Variants in C14orf39 observed in about 807,000 individuals in gnomAD.
C14orf39 encodes protein SIX6OS1.
In C14orf39, 66 loss-of-function variants were observed where a neutral mutation model predicts 85.6. The ratio of observed to expected loss-of-function variants is 0.77; its 90% CI spans 0.63 to 0.95. The LOEUF (loss-of-function observed/expected upper bound fraction) is 0.95. C14orf39 is among the 40% of genes least tolerant of loss of function. The pLI, the probability that C14orf39 is intolerant of heterozygous loss-of-function variation, is 0.00. For missense variants in C14orf39, 735 were observed against 663.9 expected, an observed-to-expected ratio of 1.11 and a Z score of -1.18; for synonymous variants, 242 against 214.0, an observed-to-expected ratio of 1.13 and a Z score of -1.14.
intron 2 of C14orf39, among the ~76,000 whole-genome samples, chr14:60,498,006 A>C (rs1351597488): frequency 6.6e-6 from 1 of 152,242 alleles, no homozygotes; most frequent in African/African-American, 2.4e-5. Context: ...GTAAATACAG[A>C]AAAGTAGAGA....
chr14:60,509,530 C>T lies in C14orf39; in HGVS notation c.-144+5865G>A. 8 of 1,608,420 alleles carry T rather than the reference C, an allele frequency of 5.0e-6. No homozygotes were observed. The highest frequency in any genetic ancestry group is 6.8e-6 in the Non-Finnish European group (8 of 1,179,952). ...CGCTGCCCGTGGCCCCTGCGGCCTG[C>T]GAGGCCCTCAACAAGAATGAGTCGG... On this transcript the variant is annotated intron_variant, in intron 1 of 5. Transcript: ENST00000556799.
intron 16 of C14orf39, among the ~76,000 whole-genome samples, chr14:60,447,545 G>A (rs1890828658): frequency 1.3e-5 from 2 of 152,038 alleles, no homozygotes; most frequent in Non-Finnish European, 2.9e-5. Context: ...AATAAAAGAG[G>A]ACACAAACAA....
At chr14:60,500,276 C>G (rs1893123149) in intron 1 of C14orf39, among the ~76,000 whole-genome samples, 1 of 152,204 alleles carries the variant, frequency 6.6e-6, no homozygotes, top group Non-Finnish European at 1.5e-5. Context: ...ATCCACCCAC[C>G]TCAGCCTCCC....
intron 17 of C14orf39, among the ~76,000 whole-genome samples, chr14:60,437,565 C>T (rs1890314055): frequency 6.6e-6 from 1 of 151,916 alleles, no homozygotes; most frequent in Admixed American, 6.6e-5. Flanking sequence ...ATTTGAACTG[C>T]TTTGTAAGTA....
At chr14:60,495,403 T>C in intron 2 of C14orf39, 1 of 175,550 alleles carries the variant, frequency 5.7e-6, no homozygotes, top group Non-Finnish European at 1.2e-5. Flanking sequence ...GAGCGGCAGG[T>C]CATCAAGCAA....
chr14:60,443,279 T>A (rs79963086), intron 16 of C14orf39, among the ~76,000 whole-genome samples: 2 of 152,180 alleles, frequency 1.3e-5, no homozygotes, highest in African/African-American at 2.4e-5. Context: ...CAAGGGAAGC[T>A]GTGACAGACT....
Position 60,484,806 on chromosome 14 carries a change from A to G in C14orf39, c.106+75T>C. ...TATAACGCCAACAATAAGTTGCCCT[A>G]AACAGAGCAATTGTATGTTATATGC... On this transcript the variant is annotated intron_variant, in intron 3 of 17. Coordinates refer to ENST00000321731, the MANE Select transcript of C14orf39 (RefSeq NM_174978.3). The surrounding 1 kb of genome is among the most constrained non-coding windows in gnomAD (Gnocchi z 4.2). The G allele has an allele frequency of 1.8e-6, 2 of 1,086,466 alleles. No homozygotes were observed. The highest frequency in any genetic ancestry group is 2.7e-6 in the Non-Finnish European group (2 of 734,502). 67.3% of individuals were successfully genotyped at this position (1,086,466 alleles called of 1,614,324 possible).
intron 1 of C14orf39, among the ~76,000 whole-genome samples, chr14:60,513,834 A>T (rs181243180): frequency 1.5e-4 from 23 of 152,388 alleles, no homozygotes; most frequent in Admixed American, 1.1e-3. Flanking sequence ...TTGCTTGGAC[A>T]AAAAGAGAAG....
intron 1 of C14orf39, among the ~76,000 whole-genome samples, chr14:60,505,382 T>G (rs1893189656): frequency 6.6e-6 from 1 of 152,212 alleles, no homozygotes. Flanking sequence ...AAAATCAGAA[T>G]GCCAAATAAA....
rs776568787 is a variant in C14orf39, at chr14:60,471,646, A to C, written c.417T>G (p.Tyr139Ter). ...TTTCTTCATGTTCTCTTTTCTTCTC[A>C]TAATATTCACGTGAAAAGGGTGTTT... ...YSETPFSREY[Y>*]EKKREHEEIQ... The change falls in exon 6 of 18, where the codon TAT becomes TAG. Residue 139 changes from tyrosine (Y) to a stop codon, truncating the protein, a stop_gained. Transcript: ENST00000321731. LOFTEE classifies it high-confidence loss of function. The C allele has an allele frequency of 1.9e-6, 3 of 1,610,842 alleles. No individual in the cohort carries two copies. The highest frequency in any genetic ancestry group is 1.3e-5 in the African/African-American group (1 of 74,760).
chr14:60,473,655 A>G (rs1566674821), intron 5 of C14orf39, among the ~76,000 whole-genome samples: 1 of 152,216 alleles, frequency 6.6e-6, no homozygotes, highest in Non-Finnish European at 1.5e-5. Context: ...TTTATTAAAT[A>G]GGGAATCCTT....
intron 13 of C14orf39, among the ~76,000 whole-genome samples, chr14:60,460,608 CATCT>C (rs1891476373): frequency 6.6e-6 from 1 of 151,526 alleles, no homozygotes; most frequent in African/African-American, 2.4e-5. Flanking sequence ...AATATATATC[CATCT>C]GTGTGGTATA....
intron 17 of C14orf39, among the ~76,000 whole-genome samples, chr14:60,438,815 G>T (rs1890377533): frequency 6.6e-6 from 1 of 152,150 alleles, no homozygotes; most frequent in South Asian, 2.1e-4. Flanking sequence ...AAGCAGGTAA[G>T]AAAGTGTGGG....
Position 60,436,800 on chromosome 14 carries a change from C to CA in C14orf39, c.*44dup. ...AAGCAATAATGTAAATTTATGCCCT[C>CA]ATGAACACAGAACAGTAAAATAATT... On this transcript the variant is annotated 3_prime_UTR_variant, in exon 18 of 18. Transcript: ENST00000321731. The CA allele has an allele frequency of 7.4e-7, 1 of 1,346,546 alleles. No individual in the cohort carries two copies. Among genetic ancestry groups the CA allele is most frequent in the Non-Finnish European group, 1.0e-6 (1 of 957,442 alleles). The allele number at this position is 1,346,546 out of a possible 1,614,324, so 83.4% of individuals were successfully genotyped here. A position where few individuals can be genotyped will look rare whatever the true frequency, so the allele number is the denominator to read the frequency against.
chr14:60,458,212 C>T (rs565923998), intron 14 of C14orf39, among the ~76,000 whole-genome samples: 9 of 151,892 alleles, frequency 5.9e-5, no homozygotes, highest in Admixed American at 5.9e-4. Context: ...AACACAAGGC[C>T]TTATTTCTTC....
intron 1 of C14orf39, chr14:60,511,445 CGACCACGG>C (rs1893293663): frequency 1.5e-6 from 1 of 674,528 alleles, no homozygotes; most frequent in Non-Finnish European, 2.6e-6. Context: ...CCTTTGGCCG[CGACCACGG>C]GAACCAGCGG....
intron 11 of C14orf39, among the ~76,000 whole-genome samples, chr14:60,462,208 C>T (rs987244033): frequency 8.2e-5 from 12 of 147,058 alleles, no homozygotes; most frequent in Non-Finnish European, 1.5e-4. Context: ...GACCCCATCT[C>T]TACAAAAAAT....
At chr14:60,461,486 T>C in intron 12 of C14orf39, 22 bp downstream of exon 12, 1 of 1,572,336 alleles carries the variant, frequency 6.4e-7, no homozygotes, top group Non-Finnish European at 8.6e-7. Context: ...GATTAAAGCA[T>C]TTTCTTATTT....
intron 1 of C14orf39, chr14:60,511,263 C>T: frequency 6.2e-7 from 1 of 1,612,984 alleles, no homozygotes; most frequent in South Asian, 1.1e-5. Flanking sequence ...GTTGCCCATC[C>T]AGGATGCTCA....
Sources: allele counts gnomAD v4.1 joint callset (sites outside exome capture counted in the v4.1 genomes callset), GRCh38; gene constraint gnomAD v4.1.1; non-coding constraint Gnocchi (gnomAD v3.1); transcripts MANE v1.5; gene names NCBI Gene and HGNC (gene_info 2026-07-23, HGNC 2026-07-21).